The following GSE1 variants were observed in gnomAD, a reference collection of about 807,000 sequenced individuals.
GSE1 encodes the protein genetic suppressor element 1.
In GSE1, 32 loss-of-function variants were observed where a neutral mutation model predicts 112.6. The observed-to-expected ratio is 0.28, with a 90% confidence interval of 0.21 to 0.38. GSE1 has a LOEUF of 0.38. GSE1 is among the 10% of genes least tolerant of loss of function. GSE1 has a pLI of 1.00. For missense variants in GSE1, 2,348 were observed against 1,699.2 expected, an observed-to-expected ratio of 1.38 and a Z score of -6.71; for synonymous variants, 1,115 against 735.6, an observed-to-expected ratio of 1.52 and a Z score of -8.35.
chr16:85,610,294 G>C (rs1467191491), upstream of GSE1, among the ~76,000 whole-genome samples: 3 of 152,244 alleles, frequency 2.0e-5, no homozygotes, highest in Non-Finnish European at 4.4e-5. Context: ...GCTCCTTCCA[G>C]GCAAATGGGA....
chr16:85,512,432 G>A (rs192153386), intron 2 of GSE1, among the ~76,000 whole-genome samples: 1 of 152,212 alleles, frequency 6.6e-6, no homozygotes, highest in African/African-American at 2.4e-5. Context: ...AGGACAGCCT[G>A]TGCTACTCCC....
chr16:85,456,641 G>GTGTGTGT (rs1567502079), intron 2 of GSE1, among the ~76,000 whole-genome samples: 5 of 94,036 alleles, frequency 5.3e-5, no homozygotes, highest in African/African-American at 1.3e-4. Context: ...TGTGTGTGTG[G>GTGTGTGT]TCTGCCATTT....
rs1351325255 is a variant in GSE1, at chr16:85,661,778, G to T, written c.2260+13G>T. 6.7e-7 allele frequency: 1 copy of T among 1,493,306 alleles called. No homozygotes were observed. The highest frequency in any genetic ancestry group is 1.4e-5 in the African/African-American group (1 of 71,834). 92.5% of individuals were successfully genotyped at this position (1,493,306 alleles called of 1,614,324 possible). A position where few individuals can be genotyped will look rare whatever the true frequency, so the allele number is the denominator to read the frequency against. ...GCCCAGGAGAAAGGTCTGCCTCCCCGCGGGCCCCGAGCTGCTCAGGGAGAG... is the reference window on the plus strand; with the variant it reads ...GCCCAGGAGAAAGGTCTGCCTCCCCTCGGGCCCCGAGCTGCTCAGGGAGAG... On this transcript the variant is annotated intron_variant, in intron 9 of 15. Transcript: ENST00000253458.
chr16:85,186,656 C>T (rs1231482541), intron 1 of GSE1, among the ~76,000 whole-genome samples: 2 of 150,848 alleles, frequency 1.3e-5, no homozygotes. Flanking sequence ...TCTGTGGTCC[C>T]AGCTAGTCAG....
chr16:85,444,027 C>G (rs1203841660), intron 2 of GSE1, among the ~76,000 whole-genome samples: 1 of 142,060 alleles, frequency 7.0e-6, no homozygotes. Context: ...GATCTGTCGC[C>G]AGGCTGGAGT....
At chr16:85,595,444 C>T (rs943703173) in intron 1 of GSE1, 3 of 152,192 alleles carry the variant, frequency 2.0e-5, no homozygotes, top group Admixed American at 6.5e-5. Flanking sequence ...GAGGGTTGTG[C>T]CTCCTGGCTG....
At position 85,668,357 on chromosome 16, in the gene GSE1, G is replaced by A. The variant is rs1221178920; in HGVS notation, c.3348G>A (p.Glu1116=). The change falls in exon 14 of 16, where the codon GAG becomes GAA. Residue 1116 remains glutamate, a synonymous_variant. Transcript: ENST00000253458. ...ATGATGAAGATGGAGAAGATGAGGA[G>A]GAAGTCCCCAAGCGCAAGTGGCAAG... ...EEDDEDGEDE[E]EVPKRKWQGI... is the part of the protein sequence containing the mutation. 6.2e-7 allele frequency: 1 copy of A among 1,613,028 alleles called. No individual in the cohort carries two copies. The highest frequency in any genetic ancestry group is 8.5e-7 in the Non-Finnish European group (1 of 1,179,358).
At chr16:85,245,439 C>G (rs1905541202) in intron 1 of GSE1, among the ~76,000 whole-genome samples, 1 of 152,172 alleles carries the variant, frequency 6.6e-6, no homozygotes, top group African/African-American at 2.4e-5. Context: ...GAGCCTCTGC[C>G]TGACACATAC....
Position 85,317,729 on chromosome 16 carries a change from C to T in GSE1, c.2284-39734C>T, listed in dbSNP as rs139477841. Among the ~76,000 whole-genome samples the T allele has an allele frequency of 7.5e-3, 1,142 of 152,314 alleles. 11 individuals carry two copies. The highest frequency in any genetic ancestry group is 0.02 in the Middle Eastern group (6 of 294). ...GAACGCTGGTGAGCATTCATGCACC[C>T]TGCGCTGGCTCATTCGCTTTCCTGC... On this transcript the variant is annotated intron_variant, in intron 1 of 2. Transcript: ENST00000637419.
At chr16:85,172,124 CAG>C (rs1040476855) in intron 1 of GSE1, among the ~76,000 whole-genome samples, 4 of 152,182 alleles carry the variant, frequency 2.6e-5, no homozygotes, top group Admixed American at 2.6e-4. Flanking sequence ...ATCTATCAAA[CAG>C]AGGAAGTTCG....
intron 1 of GSE1, among the ~76,000 whole-genome samples, chr16:85,629,313 G>A (rs1283546702): frequency 6.6e-6 from 1 of 152,232 alleles, no homozygotes; most frequent in Non-Finnish European, 1.5e-5. Context: ...TAGCACATCT[G>A]CCCGGGTGGC....
chr16:85,186,336 C>G (rs7198781), intron 1 of GSE1, among the ~76,000 whole-genome samples: 91,661 of 151,544 alleles, frequency 0.6, 28,870 homozygotes, highest in African/African-American at 0.79. Flanking sequence ...CGGGTGCGGT[C>G]GCTCACACCT....
chr16:85,452,869 A>G (rs1162628267), intron 2 of GSE1, among the ~76,000 whole-genome samples: 1 of 152,128 alleles, frequency 6.6e-6, no homozygotes, highest in East Asian at 1.9e-4. Flanking sequence ...GCGCTGGGCT[A>G]GGTGAGTGCT....
chr16:85,634,254 C>T lies in GSE1; in HGVS notation c.226+122C>T, dbSNP rs572229519. 2.8e-5 allele frequency: 19 copies of T among 685,584 alleles called. No homozygotes were observed. In the South Asian group the frequency reaches 4.0e-4, roughly 14 times the overall value. The allele number at this position is 685,584 out of a possible 1,614,324, so 42.5% of individuals were successfully genotyped here. A position where few individuals can be genotyped will look rare whatever the true frequency, so the allele number is the denominator to read the frequency against. ...CGTCTTTCCCACGCCGTGTGCTCTGCATGGAGCAGGCAGTGCTGGCTGAGC... is the reference window on the plus strand; with the variant it reads ...CGTCTTTCCCACGCCGTGTGCTCTGTATGGAGCAGGCAGTGCTGGCTGAGC... On this transcript the variant is annotated intron_variant, in intron 2 of 15. Coordinates refer to ENST00000253458, the MANE Select transcript of GSE1 (RefSeq NM_014615.5).
chr16:85,181,692 G>A (rs964743817), intron 1 of GSE1, among the ~76,000 whole-genome samples: 1 of 152,226 alleles, frequency 6.6e-6, no homozygotes, highest in African/African-American at 2.4e-5. Flanking sequence ...GGGAGTGACA[G>A]TGATAAGGGC....
chr16:85,236,489 C>G (rs917153693), intron 1 of GSE1, among the ~76,000 whole-genome samples: 12 of 152,210 alleles, frequency 7.9e-5, no homozygotes, highest in African/African-American at 2.7e-4. Context: ...TCATGTGTGA[C>G]TCCCGTTGTG....
rs574126768 is a variant in GSE1, at chr16:85,235,427, A to ATTGT, written c.2283+63620_2283+63621insTTGT. Among the ~76,000 whole-genome samples, 464 of 64,998 alleles carry ATTGT rather than the reference A, an allele frequency of 7.1e-3. 4 individuals are homozygous for ATTGT. The highest frequency in any genetic ancestry group is 8.1e-3 in the South Asian group (14 of 1,732). 42.6% of individuals were successfully genotyped at this position (64,998 alleles called of 152,430 possible). A position where few individuals can be genotyped will look rare whatever the true frequency, so the allele number is the denominator to read the frequency against. The stretch of plus-strand genomic sequence containing the variant: ...GGGGTGAGGGGGGTGATGGAAGGGT[A>ATTGT]CTGTGTGTGTGTGTGTGTGTGTGTG... On this transcript the variant is annotated intron_variant, in intron 1 of 2. Coordinates refer to the GSE1 transcript ENST00000637419.
intron 1 of GSE1, among the ~76,000 whole-genome samples, chr16:85,573,430 C>T (rs1419989042): frequency 6.6e-6 from 1 of 152,230 alleles, no homozygotes. Flanking sequence ...TGAACACTGG[C>T]GTGCATGTTT....
intron 1 of GSE1, among the ~76,000 whole-genome samples, chr16:85,576,651 AT>A (rs959346047): frequency 6.6e-6 from 1 of 152,168 alleles, no homozygotes; most frequent in Non-Finnish European, 1.5e-5. Flanking sequence ...ATTACGGGGC[AT>A]TTTTTGAAGG....
Sources: gnomAD v4.1 joint callset for allele counts (sites outside exome capture counted in the v4.1 genomes callset) on GRCh38, gnomAD v4.1.1 for gene constraint, MANE v1.5 for transcripts, NCBI Gene and HGNC (gene_info 2026-07-23, HGNC 2026-07-21) for gene names.